Variants in QKI observed in about 807,000 individuals in gnomAD.
QKI encodes the protein QKI, KH domain containing RNA binding.
QKI carries 10 observed loss-of-function variants against 39.0 expected under a neutral mutation model. The ratio of observed to expected loss-of-function variants is 0.26; its 90% CI spans 0.16 to 0.43. The LOEUF is 0.43. Ranked by LOEUF, QKI falls within the 20% of genes least tolerant of loss-of-function variation. QKI has a pLI of 1.00. For missense variants in QKI, 218 were observed against 428.0 expected, an observed-to-expected ratio of 0.51 and a Z score of 4.33; for synonymous variants, 204 against 155.4, an observed-to-expected ratio of 1.31 and a Z score of -2.33.
intron 3 of QKI, among the ~76,000 whole-genome samples, chr6:163,503,595 G>T (rs1778917784): frequency 6.6e-6 from 1 of 151,906 alleles, no homozygotes; most frequent in African/African-American, 2.4e-5. Flanking sequence ...GTCAATTTTT[G>T]TTTTTGTTGC....
At chr6:163,479,090 A>C (rs1317011443) in intron 3 of QKI, among the ~76,000 whole-genome samples, 194 bp downstream of exon 3, 1 of 151,220 alleles carries the variant, frequency 6.6e-6, no homozygotes, top group Non-Finnish European at 1.5e-5. Context: ...GTTTGAGACC[A>C]CCCTAGCCAA....
At position 163,522,896 on chromosome 6, in the gene QKI, C is replaced by T. The variant is rs146558737; in HGVS notation, c.403-12086C>T. 4.6e-3 allele frequency among the ~76,000 whole-genome samples: 693 copies of T among 151,916 alleles called. 7 individuals carry two copies. Among genetic ancestry groups the T allele is most frequent in the Middle Eastern group, 0.024 (7 of 294 alleles). On this transcript the variant is annotated intron_variant, in intron 3 of 7. Transcript: ENST00000361752. The stretch of plus-strand genomic sequence containing the variant: ...GGAGTACGAACACTGCAGCTATCCA[C>T]GGTGCCGTTAGGTTGAATAGGACGT...
chr6:163,439,327 G>A (rs909402287), intron 1 of QKI, among the ~76,000 whole-genome samples: 2 of 144,140 alleles, frequency 1.4e-5, no homozygotes, highest in African/African-American at 5.2e-5. Context: ...ATAATCCTTC[G>A]TGGTTTTTTT....
chr6:163,419,014 A>C (rs142618721), intron 1 of QKI, among the ~76,000 whole-genome samples: 1 of 152,130 alleles, frequency 6.6e-6, no homozygotes, highest in Admixed American at 6.5e-5. Flanking sequence ...TTTATCGTGG[A>C]TATCAGAAAA....
chr6:163,561,331 G>GTGC (rs1383119640), intron 4 of QKI, among the ~76,000 whole-genome samples: 25 of 152,322 alleles, frequency 1.6e-4, no homozygotes, highest in African/African-American at 2.4e-4. Context: ...TGCTGGCTGG[G>GTGC]TGCAGTGGCT....
chr6:163,521,620 T>C (rs1345748771), intron 3 of QKI, among the ~76,000 whole-genome samples: 4 of 152,104 alleles, frequency 2.6e-5, no homozygotes, highest in African/African-American at 4.8e-5. Flanking sequence ...CCTCCTGGGT[T>C]CAAGCGATTC....
chr6:163,565,618 T>C, intron 6 of QKI: 1 of 1,014,704 alleles, frequency 9.9e-7, no homozygotes, highest in Non-Finnish European at 1.2e-6. Flanking sequence ...GATTTCTAAT[T>C]GGCATTCATA....
intron 3 of QKI, among the ~76,000 whole-genome samples, chr6:163,490,525 G>T (rs1250423526): frequency 6.6e-6 from 1 of 152,098 alleles, no homozygotes; most frequent in Non-Finnish European, 1.5e-5. Context: ...AAGTAAAATG[G>T]TATTCTAGAC....
chr6:163,556,931 C>CA (rs1262308094), intron 4 of QKI, among the ~76,000 whole-genome samples: 1 of 152,128 alleles, frequency 6.6e-6, no homozygotes, highest in Non-Finnish European at 1.5e-5. Context: ...ATTTTCCATA[C>CA]AAATACAAGG....
At chr6:163,553,348 C>T (rs2128247176) in intron 4 of QKI, among the ~76,000 whole-genome samples, 1 of 152,126 alleles carries the variant, frequency 6.6e-6, no homozygotes, top group South Asian at 2.1e-4. Context: ...AGTGATCCAC[C>T]CACCTGGCCT....
At chr6:163,503,906 AT>A (rs1331002625) in intron 3 of QKI, among the ~76,000 whole-genome samples, 1 of 150,386 alleles carries the variant, frequency 6.6e-6, no homozygotes, top group Non-Finnish European at 1.5e-5. Flanking sequence ...CACCGGGCTA[AT>A]TTTTTTTTGT....
chr6:163,512,461 CTAA>C (rs1160765682), intron 3 of QKI, among the ~76,000 whole-genome samples: 1 of 151,930 alleles, frequency 6.6e-6, no homozygotes, highest in African/African-American at 2.4e-5. Flanking sequence ...GATCATGATC[CTAA>C]GTCTCTGTGT....
Position 163,445,615 on chromosome 6 carries a change from C to CTT in QKI, c.143-9647_143-9646dup, listed in dbSNP as rs771151149. Among the ~76,000 whole-genome samples, 1,147 of 135,318 alleles carry CTT rather than the reference C, an allele frequency of 8.5e-3. 19 individuals carry two copies. Among genetic ancestry groups the CTT allele is most frequent in the African/African-American group, 0.029 (1,051 of 36,398 alleles). The allele number at this position is 135,318 out of a possible 152,430, so 88.8% of individuals were successfully genotyped here. On this transcript the variant is annotated intron_variant, in intron 1 of 7. Coordinates refer to ENST00000361752, the MANE Select transcript of QKI (RefSeq NM_006775.3). ...GTGGATCATGCTGTGGAGTATATGT[C>CTT]TTTTTTTTTTTTTTTTTTAGTTGGA...
intron 3 of QKI, among the ~76,000 whole-genome samples, chr6:163,520,998 C>G (rs16888837): frequency 0.019 from 2,946 of 152,152 alleles, 92 homozygotes; most frequent in African/African-American, 0.066. Context: ...CTAAAGTCAC[C>G]TAGTTTTTCT....
chr6:163,424,926 C>T (rs904318532), intron 1 of QKI, among the ~76,000 whole-genome samples: 3 of 152,096 alleles, frequency 2.0e-5, no homozygotes, highest in Non-Finnish European at 2.9e-5. Flanking sequence ...CCACTGCCCC[C>T]GGCCTGCGTC....
intron 1 of QKI, chr6:163,415,997 TC>T: frequency 2.1e-6 from 1 of 466,970 alleles, no homozygotes; most frequent in South Asian, 1.5e-5. Context: ...AGCACTTTTT[TC>T]CCTTTTGTTT....
At chr6:163,464,541 A>G (rs1346872972) in intron 2 of QKI, among the ~76,000 whole-genome samples, 1 of 152,206 alleles carries the variant, frequency 6.6e-6, no homozygotes, top group Admixed American at 6.5e-5. Flanking sequence ...ATAAGATCAT[A>G]AAAGACTACT....
chr6:163,526,510 T>C (rs1780526477), intron 3 of QKI, among the ~76,000 whole-genome samples: 1 of 152,202 alleles, frequency 6.6e-6, no homozygotes, highest in Non-Finnish European at 1.5e-5. Flanking sequence ...TGTGGGTGCT[T>C]GTTAGCAACA....
intron 4 of QKI, among the ~76,000 whole-genome samples, chr6:163,558,456 A>G (rs1562542985): frequency 6.7e-6 from 1 of 149,010 alleles, no homozygotes; most frequent in East Asian, 2.0e-4. Flanking sequence ...CTGGAGTGCA[A>G]CGGCGCGATG....
Sources: gnomAD v4.1 joint callset for allele counts (sites outside exome capture counted in the v4.1 genomes callset) on GRCh38, gnomAD v4.1.1 for gene constraint, MANE v1.5 for transcripts, NCBI Gene and HGNC (gene_info 2026-07-23, HGNC 2026-07-21) for gene names.